The following LMBR1 variants were observed in gnomAD, a reference collection of about 807,000 sequenced individuals.
The protein encoded by LMBR1 is limb development membrane protein 1.
Under a neutral mutation model 73.9 loss-of-function variants are expected in LMBR1, and 52 were observed. The ratio of observed to expected loss-of-function variants is 0.70; its 90% CI spans 0.56 to 0.89. The LOEUF (loss-of-function observed/expected upper bound fraction) is 0.89. LMBR1 is among the 40% of genes least tolerant of loss of function. The pLI, the probability that LMBR1 is intolerant of heterozygous loss-of-function variation, is 0.00. For missense variants in LMBR1, 539 were observed against 579.8 expected (o/e 0.93, Z 0.72); for synonymous variants, 215 against 209.4 (o/e 1.03, Z -0.23).
At position 156,800,482 on chromosome 7, in the gene LMBR1, CAA is replaced by C. The variant is rs1245017996; in HGVS notation, c.320-3992_320-3991del. Among the ~76,000 whole-genome samples the C allele has an allele frequency of 2.0e-3, 162 of 80,982 alleles. 1 individual carries two copies. The highest frequency in any genetic ancestry group is 6.3e-3 in the African/African-American group (129 of 20,514). The allele number at this position is 80,982 out of a possible 152,430, so 53.1% of individuals were successfully genotyped here. On this transcript the variant is annotated intron_variant, in intron 4 of 16. Transcript: ENST00000353442. ...AAGCCTACTGTTAAGACTTGCTACT[CAA>C]AAAAAAAAAAAAAAAAGATTTTCAA... is the stretch of plus-strand genomic sequence containing the variant.
downstream of LMBR1, among the ~76,000 whole-genome samples, chr7:156,672,826 C>G (rs950648821): frequency 6.6e-6 from 1 of 152,228 alleles, no homozygotes; most frequent in Non-Finnish European, 1.5e-5. Context: ...TGGGAGGTGA[C>G]ACCTCCAGGA....
intron 5 of LMBR1, among the ~76,000 whole-genome samples, chr7:156,786,152 C>T (rs898812118): frequency 2.2e-5 from 3 of 133,836 alleles, no homozygotes; most frequent in Admixed American, 7.7e-5. Flanking sequence ...GGAATGAGGC[C>T]GGGAGGGAAG....
At chr7:156,739,423 G>A (rs1344052087) in intron 9 of LMBR1, among the ~76,000 whole-genome samples, 1 of 152,134 alleles carries the variant, frequency 6.6e-6, no homozygotes, top group Admixed American at 6.6e-5. Flanking sequence ...ACTACTAATC[G>A]TAGAGCCCTA....
chr7:156,826,576 T>C, intron 4 of LMBR1, 29 bp downstream of exon 4: 1 of 1,311,028 alleles, frequency 7.6e-7, no homozygotes, highest in Non-Finnish European at 1.0e-6. Context: ...AAATATTAAT[T>C]GTGATTATAT....
In LMBR1 at chr7:156,728,673, C is replaced by T. The variant is rs1554488970; in HGVS notation, c.886G>A (p.Ala296Thr). Reference sequence around the variant, plus strand: ...TCAATAAGAAGGAGAACCATAACAGCGGGATACACCAAATTTCTTTCCCAT... The same window carrying T: ...TCAATAAGAAGGAGAACCATAACAGTGGGATACACCAAATTTCTTTCCCAT... ...SAWERNLVYP[A>T]VMVLLLIETS... is the part of the protein sequence containing the mutation. The change falls in exon 11 of 17, where the codon GCT becomes ACT. Residue 296 changes from alanine (A) to threonine (T), a missense_variant. Around this residue, in one of 3 missense-constraint regions of LMBR1, gnomAD observed 454 missense variants for 473.4 expected, o/e 0.96. Transcript: ENST00000353442. 6.2e-6 allele frequency: 10 copies of T among 1,602,638 alleles called. No individual in the cohort carries two copies. Among genetic ancestry groups the T allele is most frequent in the East Asian group, 4.5e-5 (2 of 44,534 alleles).
chr7:156,813,654 A>G (rs954855994), intron 4 of LMBR1, among the ~76,000 whole-genome samples: 1 of 152,238 alleles, frequency 6.6e-6, no homozygotes, highest in Admixed American at 6.5e-5. Flanking sequence ...GATATCATCA[A>G]GCTTATTCTT....
At chr7:156,880,659 A>AT (rs149473282) in intron 1 of LMBR1, among the ~76,000 whole-genome samples, 15,089 of 151,298 alleles carry the variant, frequency 0.1, 851 homozygotes, top group African/African-American at 0.13. Flanking sequence ...TCCCAATGGT[A>AT]TTTTTTTTTC....
chr7:156,770,424 C>T (rs1469839111), intron 5 of LMBR1, among the ~76,000 whole-genome samples: 3 of 152,050 alleles, frequency 2.0e-5, no homozygotes, highest in Non-Finnish European at 1.5e-5. Flanking sequence ...AATTAAAATA[C>T]ACTAATGCAA....
At chr7:156,822,332 T>A (rs1834917644) in intron 4 of LMBR1, 1 of 152,250 alleles carries the variant, frequency 6.6e-6, no homozygotes, top group Admixed American at 6.5e-5. Context: ...TAGACCTTGA[T>A]ATGGTCATTT....
Position 156,740,647 on chromosome 7 carries a change from A to G in LMBR1, c.758-6390T>C, listed in dbSNP as rs374062086. ...ACACCCTAGAATAGTATATCTGGTG[A>G]AAATATCCTTCAAGCATGAAGGAGA... On this transcript the variant is annotated intron_variant, in intron 9 of 16. Coordinates refer to ENST00000353442, the MANE Select transcript of LMBR1 (RefSeq NM_022458.4). 1.1e-4 allele frequency among the ~76,000 whole-genome samples: 17 copies of G among 152,332 alleles called. No individual in the cohort carries two copies. The East Asian group carries it at 2.3e-3, about 21-fold the overall frequency.
At chr7:156,701,358 T>C (rs1201402909) in intron 15 of LMBR1, among the ~76,000 whole-genome samples, 1 of 152,190 alleles carries the variant, frequency 6.6e-6, no homozygotes, top group Non-Finnish European at 1.5e-5. Flanking sequence ...GAGAGTACTA[T>C]TCAACAATAA....
At chr7:156,878,013 T>C (rs1033759013) in intron 1 of LMBR1, among the ~76,000 whole-genome samples, 1 of 152,112 alleles carries the variant, frequency 6.6e-6, no homozygotes, top group African/African-American at 2.4e-5. Flanking sequence ...CACTTTATAA[T>C]TAAAACCCTT....
chr7:156,773,955 G>A (rs1825670974), intron 5 of LMBR1, among the ~76,000 whole-genome samples: 6 of 151,820 alleles, frequency 4.0e-5, no homozygotes, highest in Admixed American at 3.9e-4. Flanking sequence ...GACAATATTT[G>A]CAAACTATGC....
intron 15 of LMBR1, among the ~76,000 whole-genome samples, chr7:156,695,867 GAA>G (rs397957629): frequency 7.0e-6 from 1 of 143,704 alleles, no homozygotes. Flanking sequence ...GACACTGATG[GAA>G]AAAAAAAAAG....
intron 4 of LMBR1, among the ~76,000 whole-genome samples, chr7:156,797,078 G>C (rs528452774): frequency 1.3e-5 from 2 of 152,282 alleles, no homozygotes; most frequent in Admixed American, 6.5e-5. Context: ...CAGCTGTAGA[G>C]CATCCAAGTG....
chr7:156,846,812 A>G (rs1795539749), intron 1 of LMBR1, among the ~76,000 whole-genome samples: 1 of 152,174 alleles, frequency 6.6e-6, no homozygotes, highest in East Asian at 1.9e-4. Flanking sequence ...GTATAGTTCA[A>G]GACAGCTAGA....
intron 4 of LMBR1, chr7:156,822,202 G>A (rs962830186): frequency 1.3e-5 from 2 of 152,076 alleles, no homozygotes; most frequent in Non-Finnish European, 1.5e-5. Context: ...AAACCAGAGG[G>A]AAAAAACAGA....
chr7:156,804,410 G>A (rs1831626516), intron 4 of LMBR1, among the ~76,000 whole-genome samples: 1 of 152,194 alleles, frequency 6.6e-6, no homozygotes, highest in Non-Finnish European at 1.5e-5. Context: ...AAATACATAG[G>A]TCATATGGTA....
At chr7:156,694,159 A>G (rs1807802056) in intron 15 of LMBR1, among the ~76,000 whole-genome samples, 1 of 152,156 alleles carries the variant, frequency 6.6e-6, no homozygotes, top group African/African-American at 2.4e-5. Context: ...TCACCATAAT[A>G]GAGACATTTT....
Sources: gnomAD v4.1 joint callset for allele counts (sites outside exome capture counted in the v4.1 genomes callset) on GRCh38, gnomAD v4.1.1 for gene constraint, gnomAD v4.1.1 regional missense constraint, MANE v1.5 for transcripts, NCBI Gene and HGNC (gene_info 2026-07-23, HGNC 2026-07-21) for gene names.